Variants in GDA observed in about 807,000 individuals in gnomAD.
The protein encoded by GDA is guanine deaminase.
A neutral mutation model predicts 59.6 loss-of-function variants in GDA; 18 were observed. That is an observed-to-expected ratio of 0.30 (90% CI 0.21 to 0.45). The LOEUF (loss-of-function observed/expected upper bound fraction) is 0.45, where lower values mean the gene tolerates loss of function less well. Ranked by LOEUF, GDA falls within the 20% of genes least tolerant of loss-of-function variation. The pLI, the probability that GDA is intolerant of heterozygous loss-of-function variation, is 1.00. For synonymous variants in GDA, 201 were observed against 201.1 expected (o/e 1.00, Z 0.00); for missense variants, 427 against 552.3 (o/e 0.77, Z 2.27).
chr9:72,249,391 T>TATTC lies in GDA; in HGVS notation c.*1049_*1050insATTC. On this transcript the variant is annotated 3_prime_UTR_variant, in exon 14 of 14. Transcript: ENST00000358399. ...AGGACAAATCCTGTTAAAGAAATAT[T>TATTC]GTTAAAAATCTTTAAACCCTGTGTA... The TATTC allele has an allele frequency of 1.0e-6, 1 of 965,616 alleles. No individual in the cohort carries two copies. Among genetic ancestry groups the TATTC allele is most frequent in the Middle Eastern group, 5.3e-4 (1 of 1,874 alleles). 59.8% of individuals were successfully genotyped at this position (965,616 alleles called of 1,614,324 possible).
At chr9:72,252,514 C>T (rs147522679), downstream of GDA, among the ~76,000 whole-genome samples, 7 of 152,234 alleles carry the variant, frequency 4.6e-5, no homozygotes, top group South Asian at 2.1e-4. Context: ...GTGAGTAATG[C>T]ACTCTATATG....
chr9:72,199,989 CCTTT>C (rs1833736454), intron 2 of GDA, among the ~76,000 whole-genome samples: 1 of 149,226 alleles, frequency 6.7e-6, no homozygotes, highest in Non-Finnish European at 1.5e-5. Context: ...AAATCTGAAT[CCTTT>C]CTTTTTTTTT....
intron 1 of GDA, among the ~76,000 whole-genome samples, chr9:72,140,253 C>T (rs777823619): frequency 6.6e-6 from 1 of 152,152 alleles, no homozygotes; most frequent in Admixed American, 6.5e-5. Flanking sequence ...TGGGAAAGGT[C>T]GCTTCGCTTT....
intron 7 of GDA, among the ~76,000 whole-genome samples, chr9:72,224,844 G>A (rs1837359821): frequency 7.6e-6 from 1 of 131,772 alleles, no homozygotes; most frequent in African/African-American, 2.9e-5. Context: ...TGGGAAAATT[G>A]CTGTCCAAAG....
intron 1 of GDA, among the ~76,000 whole-genome samples, chr9:72,167,160 C>G (rs1829416036): frequency 6.6e-6 from 1 of 152,138 alleles, no homozygotes; most frequent in Non-Finnish European, 1.5e-5. Context: ...CCCCAGGCCT[C>G]TCAAAAGTAT....
chr9:72,222,415 T>G (rs1414068118), intron 6 of GDA, among the ~76,000 whole-genome samples: 1 of 152,210 alleles, frequency 6.6e-6, no homozygotes, highest in African/African-American at 2.4e-5. Context: ...AATTGGGTTG[T>G]TTTTTTCTTA....
upstream of GDA, among the ~76,000 whole-genome samples, chr9:72,148,334 T>C (rs1295739218): frequency 6.6e-6 from 1 of 151,650 alleles, no homozygotes. Context: ...TGTGTGTGTG[T>C]GTGTGTGTGT....
upstream of GDA, among the ~76,000 whole-genome samples, chr9:72,146,240 A>C (rs1228593485): frequency 6.6e-6 from 1 of 152,120 alleles, no homozygotes; most frequent in African/African-American, 2.4e-5. Flanking sequence ...AAGCGGATTC[A>C]TAGCATATGG....
intron 11 of GDA, among the ~76,000 whole-genome samples, chr9:72,242,736 A>C (rs935797973): frequency 6.6e-6 from 1 of 152,186 alleles, no homozygotes; most frequent in Middle Eastern, 3.2e-3. Context: ...CAAAATCCCA[A>C]GTTTCAAATC....
rs182107750 is a variant in GDA, at chr9:72,223,262, G to T, written c.714+35G>T. 46 of 1,120,216 alleles carry T rather than the reference G, an allele frequency of 4.1e-5. No homozygotes were observed. In the East Asian group the frequency reaches 8.5e-4, roughly 21 times the overall value. The allele number at this position is 1,120,216 out of a possible 1,614,324, so 69.4% of individuals were successfully genotyped here. A position where few individuals can be genotyped will look rare whatever the true frequency, so the allele number is the denominator to read the frequency against. ...CTTCTTCTCTTTATGCCTCTATGCA[G>T]ACCTGCAAGATTTCTCAGCACCCTT... On this transcript the variant is annotated intron_variant, in intron 7 of 13. Transcript: ENST00000358399.
At chr9:72,199,502 A>G (rs1033995948) in intron 2 of GDA, among the ~76,000 whole-genome samples, 6 of 152,294 alleles carry the variant, frequency 3.9e-5, no homozygotes, top group African/African-American at 1.2e-4. Flanking sequence ...TTTCTCCTAC[A>G]TGAAAAACAT....
rs548790867 is a variant in GDA at position 72,251,208 on chromosome 9, G to A, written c.*2866G>A. 62 of 177,310 alleles carry A rather than the reference G, an allele frequency of 3.5e-4. No individual in the cohort carries two copies. The highest frequency in any genetic ancestry group is 1.2e-3 in the African/African-American group (52 of 41,938). 11.0% of individuals were successfully genotyped at this position (177,310 alleles called of 1,614,324 possible). A position where few individuals can be genotyped will look rare whatever the true frequency, so the allele number is the denominator to read the frequency against. ...AAAGAAATGGTGGGAAACTCTCCCC[G>A]TAATGCTTAGCCAACTTTAAAGTGT... On this transcript the variant is annotated 3_prime_UTR_variant, in exon 14 of 14. Transcript: ENST00000358399.
chr9:72,154,560 T>C (rs1827665458), intron 1 of GDA, among the ~76,000 whole-genome samples: 1 of 152,194 alleles, frequency 6.6e-6, no homozygotes, highest in African/African-American at 2.4e-5. Context: ...CTTATGTCAT[T>C]GATCCCCTGG....
chr9:72,255,753 C>T (rs1399274592), downstream of GDA, among the ~76,000 whole-genome samples: 2 of 152,082 alleles, frequency 1.3e-5, no homozygotes, highest in Non-Finnish European at 2.9e-5. Flanking sequence ...GACTCAGAAA[C>T]GTGGGGGTAA....
intron 6 of GDA, 109 bp from the exon 7 acceptor site, chr9:72,223,011 C>T (rs1433081326): frequency 8.0e-6 from 5 of 624,816 alleles, no homozygotes; most frequent in Non-Finnish European, 1.4e-5. Context: ...CCTGGCCCTT[C>T]CAGGGTTTTT....
rs116894653 is a variant in GDA, at chr9:72,228,222, T to A, written c.920+182T>A. 50 of 564,896 alleles carry A rather than the reference T, an allele frequency of 8.9e-5. No homozygotes were observed. In the East Asian group the frequency reaches 1.4e-3, roughly 15 times the overall value. 35.0% of individuals were successfully genotyped at this position (564,896 alleles called of 1,614,324 possible). ...GTAAAAGAGAACACGTAAGAGGACA[T>A]TTATCTCAGAGGACACGTGAAGAGC... is the stretch of plus-strand genomic sequence containing the variant. On this transcript the variant is annotated intron_variant, in intron 9 of 13. Transcript: ENST00000358399.
chr9:72,119,286 C>T (rs10869121), intron 1 of GDA, among the ~76,000 whole-genome samples: 68,882 of 152,032 alleles, frequency 0.45, 17,868 homozygotes, highest in Non-Finnish European at 0.58. Context: ...GGGCAGATTC[C>T]ATGAGCTCAG....
intron 1 of GDA, among the ~76,000 whole-genome samples, chr9:72,179,468 C>G (rs908945740): frequency 2.4e-4 from 37 of 152,124 alleles, no homozygotes; most frequent in African/African-American, 7.7e-4. Context: ...GTTCACAGAG[C>G]TAGTAAATAG....
chr9:72,119,448 G>C (rs991271919), intron 1 of GDA, among the ~76,000 whole-genome samples: 45 of 152,302 alleles, frequency 3.0e-4, no homozygotes, highest in African/African-American at 1.0e-3. Context: ...ACAGTGAGCT[G>C]TGATCGGGCC....
Sources: gnomAD v4.1 joint callset for allele counts (sites outside exome capture counted in the v4.1 genomes callset) on GRCh38, gnomAD v4.1.1 for gene constraint, MANE v1.5 for transcripts, NCBI Gene and HGNC (gene_info 2026-07-23, HGNC 2026-07-21) for gene names.